GNAL: variants seen among roughly 807,000 people sequenced by gnomAD.
The protein encoded by GNAL is G protein subunit alpha L.
A neutral mutation model predicts 55.1 loss-of-function variants in GNAL; 18 were observed. That is an observed-to-expected ratio of 0.33 (90% CI 0.23 to 0.48). GNAL has a LOEUF of 0.48. Ranked by LOEUF, GNAL falls within the 20% of genes least tolerant of loss-of-function variation. The pLI is 0.99. For missense variants in GNAL, 412 were observed against 614.1 expected (o/e 0.67, Z 3.48); for synonymous variants, 253 against 237.0 (o/e 1.07, Z -0.62).
At chr18:11,794,694 T>C (rs967739838) in intron 4 of GNAL, among the ~76,000 whole-genome samples, 2 of 150,208 alleles carry the variant, frequency 1.3e-5, no homozygotes, top group Non-Finnish European at 3.0e-5. Flanking sequence ...CACCACTGAG[T>C]TGCACACTTT....
intron 7 of GNAL, among the ~76,000 whole-genome samples, chr18:11,865,746 C>T (rs1202159200): frequency 3.6e-5 from 5 of 138,698 alleles, no homozygotes; most frequent in African/African-American, 1.6e-4. Flanking sequence ...CAGAGTAAGA[C>T]CCTGTCTCTA....
At chr18:11,862,363 C>G in intron 5 of GNAL, 32 bp from the exon 6 acceptor site, 1 of 1,595,498 alleles carries the variant, frequency 6.3e-7, no homozygotes, top group South Asian at 1.1e-5. Context: ...GGGCAGAGAA[C>G]AGGCCTCAAC....
In GNAL at chr18:11,884,839, G is replaced by A. The variant is rs1281907052; in HGVS notation, c.*3704G>A. The A allele has an allele frequency of 7.2e-7, 1 of 1,383,588 alleles. No homozygotes were observed. The highest frequency in any genetic ancestry group is 9.4e-7 in the Non-Finnish European group (1 of 1,066,924). The allele number at this position is 1,383,588 out of a possible 1,614,324, so 85.7% of individuals were successfully genotyped here. ...GGCTCCAGCAGGAGAGACAAGTAAG[G>A]CCCAAGTGTGCCTGAGTGGAAAATG... is the stretch of plus-strand genomic sequence containing the variant. On this transcript the variant is annotated 3_prime_UTR_variant, in exon 12 of 12. Coordinates refer to ENST00000334049, the MANE Select transcript of GNAL (RefSeq NM_182978.4).
intron 1 of GNAL, among the ~76,000 whole-genome samples, chr18:11,719,241 C>T (rs2032040419): frequency 6.6e-6 from 1 of 151,746 alleles, no homozygotes; most frequent in Non-Finnish European, 1.5e-5. Flanking sequence ...TAAATGAAGA[C>T]ACCAGTCACG....
intron 5 of GNAL, among the ~76,000 whole-genome samples, chr18:11,850,152 G>A (rs569127913): frequency 1.3e-5 from 2 of 152,340 alleles, no homozygotes; most frequent in African/African-American, 4.8e-5. Flanking sequence ...CTGGCCGAAT[G>A]ACGCAAATAA....
In GNAL at chr18:11,717,952, AAG is replaced by A. The variant is rs2032012944; in HGVS notation, c.376+28015_376+28016del. Among the ~76,000 whole-genome samples, 7 of 152,352 alleles carry A rather than the reference AAG, an allele frequency of 4.6e-5. 2 individuals are homozygous for A. In the South Asian group the frequency reaches 1.4e-3, roughly 32 times the overall value. On this transcript the variant is annotated intron_variant, in intron 1 of 11. Coordinates refer to ENST00000334049, the MANE Select transcript of GNAL (RefSeq NM_182978.4). The stretch of plus-strand genomic sequence containing the variant: ...CTGAACCTAAAATGTTAAGAAAAAA[AAG>A]AAATCAGTCTTAAGCAAACATGCTA...
Position 11,768,711 on chromosome 18 carries a change from G to A in GNAL, c.624+14766G>A, listed in dbSNP as rs1173035289. Among the ~76,000 whole-genome samples the A allele has an allele frequency of 7.3e-5, 11 of 150,400 alleles. No homozygotes were observed. In the South Asian group the frequency reaches 1.5e-3, roughly 20 times the overall value. ...AGATCAAGAACATCCTGGCTAACATGGTGAAACCCCGTCTCTACTAAAAAT... is the reference window on the plus strand; with the variant it reads ...AGATCAAGAACATCCTGGCTAACATAGTGAAACCCCGTCTCTACTAAAAAT... On this transcript the variant is annotated intron_variant, in intron 4 of 11. Transcript: ENST00000334049.
intron 1 of GNAL, among the ~76,000 whole-genome samples, chr18:11,732,336 C>T (rs2032358074): frequency 6.6e-6 from 1 of 152,226 alleles, no homozygotes; most frequent in Admixed American, 6.5e-5. Context: ...CTCACCGACA[C>T]TCGTTACTGT....
chr18:11,881,149 AC>A lies in GNAL; in HGVS notation c.*17del. 3 of 1,594,186 alleles carry A rather than the reference AC, an allele frequency of 1.9e-6. No individual in the cohort carries two copies. The highest frequency in any genetic ancestry group is 2.6e-6 in the Non-Finnish European group (3 of 1,168,206). On this transcript the variant is annotated 3_prime_UTR_variant, in exon 12 of 12. Transcript: ENST00000334049. The surrounding 1 kb of genome is among the most constrained non-coding windows in gnomAD (Gnocchi z 4.8). ...GAGCTCTTGTGAGGATGCTGCCGCC[AC>A]CCTGCGACGGAGCGGCGCCCCGGAC...
chr18:11,813,254 T>TAAAAAAAA (rs60626923), intron 4 of GNAL, among the ~76,000 whole-genome samples: 91,234 of 138,386 alleles, frequency 0.66, 31,605 homozygotes, highest in Admixed American at 0.77. Context: ...GACTCCATCT[T>TAAAAAAAA]AAAAAAAAGA....
At chr18:11,739,581 T>A (rs1278822105) in intron 1 of GNAL, among the ~76,000 whole-genome samples, 1 of 152,206 alleles carries the variant, frequency 6.6e-6, no homozygotes, top group Non-Finnish European at 1.5e-5. Context: ...TTGGAGGTAT[T>A]GCATCGCTCC....
chr18:11,863,693 C>T (rs1399853613), intron 6 of GNAL, among the ~76,000 whole-genome samples: 1 of 152,156 alleles, frequency 6.6e-6, no homozygotes, highest in African/African-American at 2.4e-5. Context: ...CCAGGGATGC[C>T]AGCTTTGTGA....
chr18:11,748,008 C>T (rs1053928561), intron 1 of GNAL, among the ~76,000 whole-genome samples: 16 of 152,212 alleles, frequency 1.1e-4, no homozygotes, highest in African/African-American at 2.9e-4. Flanking sequence ...CCCTCCCCAC[C>T]AGCCCTGCTC....
At chr18:11,772,030 C>T (rs1373120964) in intron 4 of GNAL, among the ~76,000 whole-genome samples, 1 of 152,010 alleles carries the variant, frequency 6.6e-6, no homozygotes, top group African/African-American at 2.4e-5. Flanking sequence ...ATTTGGACAC[C>T]GCAGAGGTGC....
intron 1 of GNAL, among the ~76,000 whole-genome samples, chr18:11,727,263 G>T (rs1283145449): frequency 6.6e-6 from 1 of 152,212 alleles, no homozygotes; most frequent in Non-Finnish European, 1.5e-5. Flanking sequence ...GAGCCGCAGG[G>T]TGTCAGGCAT....
intron 1 of GNAL, among the ~76,000 whole-genome samples, chr18:11,741,480 G>C (rs1456696471): frequency 6.6e-6 from 1 of 152,144 alleles, no homozygotes; most frequent in Non-Finnish European, 1.5e-5. Context: ...CTGTGCTCCC[G>C]CTGTAATCGT....
intron 1 of GNAL, among the ~76,000 whole-genome samples, chr18:11,724,048 C>T (rs1343809206): frequency 6.6e-6 from 1 of 152,182 alleles, no homozygotes; most frequent in East Asian, 1.9e-4. Context: ...TTACAGCAAA[C>T]TTAGTGGCTT....
intron 4 of GNAL, among the ~76,000 whole-genome samples, chr18:11,802,975 A>G (rs1181901253): frequency 3.9e-5 from 6 of 152,122 alleles, no homozygotes. Flanking sequence ...GAGCCAGGGA[A>G]TGGGGAGGTC....
intron 5 of GNAL, among the ~76,000 whole-genome samples, chr18:11,825,729 C>A (rs1408090283): frequency 3.3e-3 from 251 of 76,802 alleles, no homozygotes; most frequent in African/African-American, 7.8e-3. Flanking sequence ...GACTCTGTCT[C>A]AAAAAAAAAA....
Sources: gnomAD v4.1 joint callset for allele counts (sites outside exome capture counted in the v4.1 genomes callset) on GRCh38, gnomAD v4.1.1 for gene constraint, Gnocchi (gnomAD v3.1) non-coding constraint, MANE v1.5 for transcripts, NCBI Gene and HGNC (gene_info 2026-07-23, HGNC 2026-07-21) for gene names.